The following ZNF260 variants were observed in gnomAD, a reference collection of about 807,000 sequenced individuals.
The protein encoded by ZNF260 is zinc finger protein 260.
A neutral mutation model predicts 29.3 loss-of-function variants in ZNF260; 21 were observed. The ratio of observed to expected loss-of-function variants is 0.72; its 90% CI spans 0.51 to 1.03. The LOEUF is 1.03. ZNF260 is among the 50% of genes least tolerant of loss of function. The probability of loss-of-function intolerance (pLI) is 0.00; values close to 1 mark genes in which losing one functional copy is unlikely to be tolerated. For synonymous variants in ZNF260, 156 were observed against 156.8 expected (o/e 0.99, Z 0.04); for missense variants, 465 against 487.8 (o/e 0.95, Z 0.44).
chr19:36,522,644 C>T (rs1272743880), intron 2 of ZNF260, among the ~76,000 whole-genome samples: 1 of 151,424 alleles, frequency 6.6e-6, no homozygotes, highest in African/African-American at 2.5e-5. Context: ...AACCATCTGG[C>T]CCTTTACAGA....
At position 36,514,579 on chromosome 19, in the gene ZNF260, A is replaced by T. The variant is rs777486261; in HGVS notation, c.660T>A (p.Tyr220Ter). ...AAGCTTTCCCACACCCTTTACATTC[A>T]TAAGGTTTCTCTCCAGTATGGATTC... ...HQRIHTGEKP[Y>*]ECKGCGKAFI... The change falls in exon 3 of 3, where the codon TAT (tyrosine) becomes TAA (stop). Residue 220 changes from tyrosine (Y) to a stop codon, truncating the protein, a stop_gained. Transcript: ENST00000523638. LOFTEE classifies it high-confidence loss of function. The T allele has an allele frequency of 2.5e-6, 4 of 1,614,118 alleles. No individual in the cohort carries two copies. In the Admixed American group the frequency reaches 6.7e-5, roughly 27 times the overall value.
At chr19:36,516,489 T>C (rs1043784021) in intron 2 of ZNF260, among the ~76,000 whole-genome samples, 8 of 152,110 alleles carry the variant, frequency 5.3e-5, no homozygotes, top group East Asian at 1.9e-4. Context: ...ACTGAGGAGA[T>C]TGAGGTGGGC....
chr19:36,518,296 A>G (rs533297231), intron 2 of ZNF260, among the ~76,000 whole-genome samples: 2 of 152,322 alleles, frequency 1.3e-5, no homozygotes, highest in South Asian at 4.1e-4. Flanking sequence ...GCTAAAGATC[A>G]GAAAACATTT....
At chr19:36,520,829 C>T (rs1375875802) in intron 2 of ZNF260, among the ~76,000 whole-genome samples, 1 of 147,344 alleles carries the variant, frequency 6.8e-6, no homozygotes, top group East Asian at 2.0e-4. Context: ...CACTGCACCC[C>T]AGCCTGGGTG....
chr19:36,527,685 G>A (rs2034758776), intron 1 of ZNF260, among the ~76,000 whole-genome samples: 1 of 152,062 alleles, frequency 6.6e-6, no homozygotes, highest in African/African-American at 2.4e-5. Flanking sequence ...AAAGTATTAA[G>A]AAAAGTCAAT....
At chr19:36,520,446 T>C (rs1052982005) in intron 2 of ZNF260, among the ~76,000 whole-genome samples, 6 of 152,164 alleles carry the variant, frequency 3.9e-5, no homozygotes, top group African/African-American at 1.4e-4. Context: ...ACTTAGCAAG[T>C]ATAACCGATG....
intron 2 of ZNF260, among the ~76,000 whole-genome samples, chr19:36,522,922 T>C (rs1312479505): frequency 1.3e-5 from 2 of 152,234 alleles, no homozygotes; most frequent in Non-Finnish European, 2.9e-5. Context: ...TTAGCTTTAC[T>C]GTGATTAGTA....
chr19:36,514,870 G>A lies in ZNF260; in HGVS notation c.369C>T (p.Ile123=). 10 of 1,613,948 alleles carry A rather than the reference G, an allele frequency of 6.2e-6. No individual in the cohort carries two copies. The highest frequency in any genetic ancestry group is 1.1e-5 in the South Asian group (1 of 91,066). The part of the protein sequence containing the change: ...CEKVSIQMPT[I]IRHQKNHTGT... Reference sequence around the variant, plus strand: ...CTGTATGATTTTTCTGGTGTCTGATGATGGTTGGCATCTGAATAGAAACTT... The same window carrying A: ...CTGTATGATTTTTCTGGTGTCTGATAATGGTTGGCATCTGAATAGAAACTT... Residue 123 remains isoleucine (I), a synonymous_variant, in exon 3 of 3, where the codon ATC becomes ATT. Transcript: ENST00000523638.
chr19:36,525,899 G>A (rs1024271793), intron 1 of ZNF260, among the ~76,000 whole-genome samples: 1 of 152,148 alleles, frequency 6.6e-6, no homozygotes, highest in Non-Finnish European at 1.5e-5. Flanking sequence ...AGATGCCAGA[G>A]TTATCCACAA....
In ZNF260 at chr19:36,514,955, T is replaced by C; in HGVS notation, c.284A>G (p.Lys95Arg). ...CNKCGKAFSQKENFLSHQKHH... is the reference protein window; with the variant it reads ...CNKCGKAFSQRENFLSHQKHH... ...TTTCTGATGAGAAAGGAAGTTTTCCTTCTGGCTGAAGGCTTTTCCACATTT... is the reference window on the plus strand; with the variant it reads ...TTTCTGATGAGAAAGGAAGTTTTCCCTCTGGCTGAAGGCTTTTCCACATTT... Residue 95 changes from lysine to arginine, a missense_variant, in exon 3 of 3, where the codon AAG becomes AGG. By Grantham distance (26) the Lys-to-Arg change is conservative. Transcript: ENST00000523638. 6.2e-7 allele frequency: 1 copy of C among 1,614,120 alleles called. No homozygotes were observed. Among genetic ancestry groups the C allele is most frequent in the Non-Finnish European group, 8.5e-7 (1 of 1,180,014 alleles).
Position 36,515,350 on chromosome 19 carries a change from G to T in ZNF260, c.-112C>A. 2.6e-6 allele frequency: 3 copies of T among 1,154,574 alleles called. No homozygotes were observed. Among genetic ancestry groups the T allele is most frequent in the Non-Finnish European group, 3.5e-6 (3 of 852,290 alleles). The allele number at this position is 1,154,574 out of a possible 1,614,324, so 71.5% of individuals were successfully genotyped here. ...GGTGTATTTTCAATATTAATTCTCA[G>T]GTATCTAATGAAGTTAAATTTATGA... On this transcript the variant is annotated 5_prime_UTR_variant, in exon 3 of 3. It adds an upstream start codon to the 5' untranslated region. Transcript: ENST00000523638.
At chr19:36,525,051 CA>C in intron 2 of ZNF260, 103 bp downstream of exon 2, 1 of 152,026 alleles carries the variant, frequency 6.6e-6, no homozygotes, top group Non-Finnish European at 1.5e-5. Context: ...ACGAAAATCT[CA>C]AAAAAACAAA....
At chr19:36,524,522 T>TTTTTG (rs1476033949) in intron 2 of ZNF260, among the ~76,000 whole-genome samples, 1 of 106,130 alleles carries the variant, frequency 9.4e-6, no homozygotes, top group Non-Finnish European at 2.2e-5. Flanking sequence ...TGCTAGTTTT[T>TTTTTG]TTTTTTTTTT....
Position 36,513,855 on chromosome 19 carries a change from A to T in ZNF260, c.*145T>A. 1.2e-6 allele frequency: 1 copy of T among 850,118 alleles called. No individual in the cohort carries two copies. The highest frequency in any genetic ancestry group is 1.8e-6 in the Non-Finnish European group (1 of 559,450). 52.7% of individuals were successfully genotyped at this position (850,118 alleles called of 1,614,324 possible). A position where few individuals can be genotyped will look rare whatever the true frequency, so the allele number is the denominator to read the frequency against. On this transcript the variant is annotated 3_prime_UTR_variant, in exon 3 of 3. Transcript: ENST00000523638. ...TTTTCTTTACACTATAATACTTATTAAACATCATAGTATTTAAGTTTTGAA... is the reference window on the plus strand; with the variant it reads ...TTTTCTTTACACTATAATACTTATTTAACATCATAGTATTTAAGTTTTGAA...
chr19:36,518,791 G>A (rs1246927919), intron 2 of ZNF260, among the ~76,000 whole-genome samples: 2 of 152,180 alleles, frequency 1.3e-5, no homozygotes, highest in Non-Finnish European at 2.9e-5. Context: ...AGCGGCGAAA[G>A]CACATCAATA....
At chr19:36,522,799 T>G in intron 2 of ZNF260, among the ~76,000 whole-genome samples, 1 of 152,204 alleles carries the variant, frequency 6.6e-6, no homozygotes, top group East Asian at 1.9e-4. Context: ...TCAGGGACCA[T>G]AAGCACCAAA....
At chr19:36,527,093 T>G (rs914680788) in intron 1 of ZNF260, among the ~76,000 whole-genome samples, 6 of 152,102 alleles carry the variant, frequency 3.9e-5, no homozygotes, top group African/African-American at 1.4e-4. Context: ...ATTGGGCAAT[T>G]AGATAATATG....
intron 2 of ZNF260, among the ~76,000 whole-genome samples, chr19:36,524,517 G>GGTTTTTTTTTTTTTTTTTT (rs71171452): frequency 1.1e-5 from 1 of 90,972 alleles, no homozygotes; most frequent in African/African-American, 4.0e-5. Context: ...TTACATGCTA[G>GGTTTTTTTTTTTTTTTTTT]TTTTTTTTTT....
At chr19:36,520,502 CAT>C (rs2034625825) in intron 2 of ZNF260, among the ~76,000 whole-genome samples, 1 of 151,600 alleles carries the variant, frequency 6.6e-6, no homozygotes, top group South Asian at 2.1e-4. Flanking sequence ...GAAACATAAA[CAT>C]AGTACAAAAT....
Sources: allele counts gnomAD v4.1 joint callset (sites outside exome capture counted in the v4.1 genomes callset), GRCh38; gene constraint gnomAD v4.1.1; transcripts MANE v1.5; gene names NCBI Gene and HGNC (gene_info 2026-07-23, HGNC 2026-07-21).